DGKI: variants seen among roughly 807,000 people sequenced by gnomAD.
DGKI encodes DAG kinase iota.
DGKI carries 55 observed loss-of-function variants against 147.5 expected under a neutral mutation model. The observed-to-expected ratio is 0.37, with a 90% CI of 0.30 to 0.47. DGKI has a LOEUF of 0.47. Among genes scored for constraint, DGKI ranks in the 20% least tolerant of loss-of-function variants. The pLI is 1.00. For missense variants in DGKI, 1,007 were observed against 1,323.8 expected, an observed-to-expected ratio of 0.76 and a Z score of 3.71; for synonymous variants, 469 against 477.1, an observed-to-expected ratio of 0.98 and a Z score of 0.22.
chr7:137,448,850 A>G (rs1411118808), intron 27 of DGKI, among the ~76,000 whole-genome samples: 1 of 152,218 alleles, frequency 6.6e-6, no homozygotes, highest in Non-Finnish European at 1.5e-5. Flanking sequence ...AAGTCTGCCC[A>G]GAGTCTTTGA....
intron 1 of DGKI, among the ~76,000 whole-genome samples, chr7:137,696,270 C>T (rs913985560): frequency 1.3e-5 from 2 of 152,096 alleles, no homozygotes; most frequent in African/African-American, 4.8e-5. Flanking sequence ...AGGAATCATT[C>T]TTCTTCCCTG....
chr7:137,587,174 G>A lies in DGKI; in HGVS notation c.1348C>T (p.Leu450=), dbSNP rs1186570333. 2 of 1,613,290 alleles carry A rather than the reference G, an allele frequency of 1.2e-6. No homozygotes were observed. The highest frequency in any genetic ancestry group is 1.7e-6 in the Non-Finnish European group (2 of 1,179,716). ...ACCCCCACAGGAGGCTGAGGGCTCA[G>A]CTGCAGTTCATCCAGGATGGAAAGG... ...WILSILDELQ[L]SPQPPVGVLP... The change falls in exon 13 of 33, where the codon CTG becomes TTG. Residue 450 remains leucine (L), a synonymous_variant. Transcript: ENST00000614521.
rs554151759 is a variant in DGKI, at chr7:137,664,944, G to A, written c.607-8404C>T. On this transcript the variant is annotated intron_variant, in intron 3 of 32. Transcript: ENST00000614521. ...CAGGGAAGGTTTCACTGAATATTTTGACAAACACCCAAAGGAAGTGAGAGA... is the reference window on the plus strand; with the variant it reads ...CAGGGAAGGTTTCACTGAATATTTTAACAAACACCCAAAGGAAGTGAGAGA... Among the ~76,000 whole-genome samples, 241 of 152,322 alleles carry A rather than the reference G, an allele frequency of 1.6e-3. 1 individual carries two copies. The highest frequency in any genetic ancestry group is 3.4e-3 in the Middle Eastern group (1 of 294).
In DGKI at chr7:137,661,491, G is replaced by C. The variant is rs192207512; in HGVS notation, c.607-4951C>G. Among the ~76,000 whole-genome samples the C allele has an allele frequency of 9.8e-5, 15 of 152,292 alleles. No individual in the cohort carries two copies. The East Asian group carries it at 2.9e-3, about 29-fold the overall frequency. On this transcript the variant is annotated intron_variant, in intron 3 of 32. Coordinates refer to ENST00000614521, the MANE Select transcript of DGKI (RefSeq NM_001321708.2). ...GGGGCATGCTGGGGAAAGGGCCAGAGGGGGGCCACATGGTGAGAAGCCAAG... is the reference window on the plus strand; with the variant it reads ...GGGGCATGCTGGGGAAAGGGCCAGACGGGGGCCACATGGTGAGAAGCCAAG...
intron 1 of DGKI, among the ~76,000 whole-genome samples, chr7:137,834,745 A>G (rs886535631): frequency 1.2e-4 from 19 of 152,246 alleles, no homozygotes; most frequent in Admixed American, 2.0e-4. Context: ...GATACACATA[A>G]GTTTCACAAT....
At position 137,391,256 on chromosome 7, in the gene DGKI, C is replaced by G; in HGVS notation, c.3138G>C (p.Lys1046Asn). Residue 1046 changes from lysine to asparagine, a missense_variant, in exon 33 of 33, where the codon AAG becomes AAC. Transcript: ENST00000614521. ...AAYLESRQNY[K>N]VIGHEDLETA... The stretch of plus-strand genomic sequence containing the variant: ...TTTCCAGGTCCTCATGGCCAATGAC[C>G]TTATAGTTCTGACGGCTTTCTAGGT... 3.1e-6 allele frequency: 5 copies of G among 1,613,874 alleles called. No homozygotes were observed. The highest frequency in any genetic ancestry group is 4.2e-6 in the Non-Finnish European group (5 of 1,179,946).
chr7:137,438,952 G>C (rs1391842746), intron 28 of DGKI, among the ~76,000 whole-genome samples: 1 of 152,082 alleles, frequency 6.6e-6, no homozygotes, highest in Non-Finnish European at 1.5e-5. Context: ...TCATATGTAA[G>C]ATATGCATAT....
intron 5 of DGKI, among the ~76,000 whole-genome samples, chr7:137,653,674 C>T (rs987364306): frequency 3.9e-5 from 6 of 152,224 alleles, no homozygotes; most frequent in African/African-American, 1.4e-4. Flanking sequence ...GACCCCTCTC[C>T]TCTCTTTCCT....
At chr7:137,752,171 G>A (rs1003082868) in intron 1 of DGKI, among the ~76,000 whole-genome samples, 1 of 152,052 alleles carries the variant, frequency 6.6e-6, no homozygotes, top group African/African-American at 2.4e-5. Context: ...TAAAAGTTGT[G>A]GGGGGAGCAA....
At chr7:137,391,701 G>A (rs1811371871) in intron 32 of DGKI, among the ~76,000 whole-genome samples, 1 of 152,122 alleles carries the variant, frequency 6.6e-6, no homozygotes, top group African/African-American at 2.4e-5. Flanking sequence ...CTGGAAGATG[G>A]GGAGGTAGAA....
chr7:137,574,024 C>A (rs1818884157), intron 17 of DGKI, among the ~76,000 whole-genome samples: 1 of 152,218 alleles, frequency 6.6e-6, no homozygotes, highest in African/African-American at 2.4e-5. Context: ...ATTACCTTCT[C>A]ATTTGGAGAG....
At chr7:137,722,253 T>C in intron 1 of DGKI, 1 of 1,605,946 alleles carries the variant, frequency 6.2e-7, no homozygotes, top group Non-Finnish European at 8.5e-7. Flanking sequence ...AGAAGGTTCT[T>C]GCAACTGTTA....
intron 1 of DGKI, among the ~76,000 whole-genome samples, chr7:137,730,755 T>G (rs1435694984): frequency 1.3e-5 from 2 of 152,108 alleles, no homozygotes; most frequent in Non-Finnish European, 2.9e-5. Flanking sequence ...ATCCTTTCTG[T>G]GCAACCTAAA....
intron 1 of DGKI, among the ~76,000 whole-genome samples, chr7:137,746,553 GTTGTTTGT>G (rs3839666): frequency 1.8e-4 from 28 of 152,120 alleles, no homozygotes; most frequent in East Asian, 9.7e-4. Context: ...ATCCAGAGAT[GTTGTTTGT>G]TTGTTTGTTT....
At chr7:137,695,720 C>T (rs79927337) in intron 1 of DGKI, among the ~76,000 whole-genome samples, 2,937 of 152,226 alleles carry the variant, frequency 0.019, 95 homozygotes, top group African/African-American at 0.068. Context: ...GCAAACCAGA[C>T]GTACTATAAA....
At chr7:137,485,536 C>T (rs991917944) in intron 22 of DGKI, 118 bp from the exon 23 acceptor site, 26 of 736,634 alleles carry the variant, frequency 3.5e-5, no homozygotes, top group Middle Eastern at 2.4e-4. Flanking sequence ...TGGAAAGTAT[C>T]GAACACACCC....
chr7:137,741,694 A>G (rs887066971), intron 1 of DGKI, among the ~76,000 whole-genome samples: 1 of 152,186 alleles, frequency 6.6e-6, no homozygotes, highest in African/African-American at 2.4e-5. Flanking sequence ...TATTTGAATC[A>G]CTGAGAATGA....
In DGKI at chr7:137,581,297, C is replaced by T. The variant is rs558429586; in HGVS notation, c.1642+553G>A. On this transcript the variant is annotated intron_variant, in intron 15 of 32. Transcript: ENST00000614521. ...TCCAGTGGGGATCCCTAGTACCTTCCTAATTAATCCCATCACCATTACATC... is the reference window on the plus strand; with the variant it reads ...TCCAGTGGGGATCCCTAGTACCTTCTTAATTAATCCCATCACCATTACATC... 2.6e-5 allele frequency among the ~76,000 whole-genome samples: 4 copies of T among 152,226 alleles called. No individual in the cohort carries two copies. In the South Asian group the frequency reaches 8.3e-4, roughly 32 times the overall value.
At position 137,382,886 on chromosome 7, in the gene DGKI, A is replaced by C. The variant is rs1811092249; in HGVS notation, c.*8334T>G. 6.6e-6 allele frequency: 1 copy of C among 152,052 alleles called. No homozygotes were observed. The allele number at this position is 152,052 out of a possible 1,614,324, so 9.4% of individuals were successfully genotyped here. A position where few individuals can be genotyped will look rare whatever the true frequency, so the allele number is the denominator to read the frequency against. On this transcript the variant is annotated 3_prime_UTR_variant, in exon 33 of 33. Transcript: ENST00000614521. ...CAGTCAACCTGAAATCTAGGAACTC[A>C]AGCTGTATTACAGAATTAAGGGATG...
Sources: gnomAD v4.1 joint callset for allele counts (sites outside exome capture counted in the v4.1 genomes callset) on GRCh38, gnomAD v4.1.1 for gene constraint, MANE v1.5 for transcripts, NCBI Gene and HGNC (gene_info 2026-07-23, HGNC 2026-07-21) for gene names.